NMT2: variants seen among roughly 807,000 people sequenced by gnomAD.
The protein encoded by NMT2 is glycylpeptide N-tetradecanoyltransferase 2.
In NMT2, 35 loss-of-function variants were observed where a neutral mutation model predicts 65.4. The observed-to-expected ratio is 0.54, with a 90% CI of 0.41 to 0.71. NMT2 has a LOEUF of 0.71. Ranked by LOEUF, NMT2 falls within the 30% of genes least tolerant of loss-of-function variation. The probability of loss-of-function intolerance (pLI) is 0.00; values close to 1 mark genes in which losing one functional copy is unlikely to be tolerated. For missense variants in NMT2, 489 were observed against 611.3 expected (o/e 0.80, Z 2.11); for synonymous variants, 226 against 231.8 (o/e 0.98, Z 0.23).
chr10:15,153,277 T>A (rs1832867921), intron 1 of NMT2, among the ~76,000 whole-genome samples: 2 of 152,142 alleles, frequency 1.3e-5, no homozygotes, highest in South Asian at 4.1e-4. Context: ...AAAAATACAA[T>A]AAAACTAAAA....
intron 1 of NMT2, among the ~76,000 whole-genome samples, chr10:15,153,106 C>G (rs372585200): frequency 2.0e-5 from 3 of 151,960 alleles, no homozygotes; most frequent in East Asian, 3.9e-4. Flanking sequence ...AGAGGAGTCT[C>G]TGAGTGGAAA....
intron 1 of NMT2, among the ~76,000 whole-genome samples, 169 bp from the exon 2 acceptor site, chr10:15,141,726 C>A (rs908937494): frequency 6.6e-6 from 1 of 152,136 alleles, no homozygotes; most frequent in African/African-American, 2.4e-5. Context: ...AAGACGGTAA[C>A]AGGCAATGCA....
intron 2 of NMT2, chr10:15,138,493 T>C: frequency 2.1e-6 from 1 of 471,098 alleles, no homozygotes; most frequent in South Asian, 1.5e-5. Flanking sequence ...CTACCCGACA[T>C]TAACTTCCCA....
At chr10:15,125,487 T>A (rs1375615980) in intron 8 of NMT2, among the ~76,000 whole-genome samples, 1 of 152,242 alleles carries the variant, frequency 6.6e-6, no homozygotes, top group Non-Finnish European at 1.5e-5. Flanking sequence ...TATTCTTCAC[T>A]CCATTGTAGG....
intron 1 of NMT2, among the ~76,000 whole-genome samples, chr10:15,152,100 A>G (rs1316468827): frequency 6.6e-6 from 1 of 152,232 alleles, no homozygotes; most frequent in Non-Finnish European, 1.5e-5. Flanking sequence ...CAAGGCTGTG[A>G]TATGAGCCTG....
At chr10:15,141,303 C>A in intron 2 of NMT2, 119 bp downstream of exon 2, 1 of 1,276,922 alleles carries the variant, frequency 7.8e-7, no homozygotes, top group Non-Finnish European at 1.1e-6. Context: ...TTACTAGTGG[C>A]ATTCAACACA....
intron 2 of NMT2, 44 bp from the exon 3 acceptor site, chr10:15,135,462 T>C (rs771174215): frequency 2.9e-5 from 47 of 1,602,050 alleles, no homozygotes; most frequent in Non-Finnish European, 4.0e-5. Flanking sequence ...GAGCGGCTGC[T>C]GATGTTAAAC....
chr10:15,112,428 C>T (rs1241450306), intron 10 of NMT2, among the ~76,000 whole-genome samples: 4 of 150,354 alleles, frequency 2.7e-5, no homozygotes, highest in Non-Finnish European at 5.9e-5. Context: ...GAGGTTTCAC[C>T]ATATTAACCA....
intron 1 of NMT2, among the ~76,000 whole-genome samples, chr10:15,146,031 T>C (rs1846951785): frequency 6.6e-6 from 1 of 152,156 alleles, no homozygotes. Flanking sequence ...GATTACCAAG[T>C]CATGGAAATT....
intron 1 of NMT2, among the ~76,000 whole-genome samples, chr10:15,149,532 TCATCACCAC>T (rs1832725450): frequency 3.1e-5 from 4 of 130,410 alleles, no homozygotes; most frequent in Non-Finnish European, 3.4e-5. Context: ...ATCATCACCA[TCATCACCAC>T]CATCACCACC....
intron 11 of NMT2, 79 bp downstream of exon 11, chr10:15,109,623 C>G: frequency 8.9e-7 from 1 of 1,121,662 alleles, no homozygotes. Context: ...ATAAAGCTGT[C>G]TTAAGTCTAA....
intron 1 of NMT2, among the ~76,000 whole-genome samples, chr10:15,167,666 C>T (rs1358635472): frequency 2.0e-5 from 3 of 152,246 alleles, no homozygotes; most frequent in African/African-American, 7.2e-5. Flanking sequence ...AGAGCATCAA[C>T]ACCGGCCTTC....
intron 2 of NMT2, chr10:15,138,278 G>A: frequency 7.6e-5 from 34 of 447,758 alleles, no homozygotes; most frequent in South Asian, 5.5e-4. Flanking sequence ...CCCAAAATGT[G>A]GTGATTACAG....
intron 1 of NMT2, 199 bp downstream of exon 1, chr10:15,168,304 G>A (rs1395132997): frequency 1.5e-4 from 49 of 324,954 alleles, no homozygotes; most frequent in Admixed American, 6.1e-4. Flanking sequence ...GCCCACCCCG[G>A]GCCTCGCCTC....
intron 1 of NMT2, among the ~76,000 whole-genome samples, chr10:15,153,911 C>T (rs1028901610): frequency 6.6e-6 from 1 of 152,192 alleles, no homozygotes; most frequent in African/African-American, 2.4e-5. Context: ...CCTCGCCCCC[C>T]AAAGTGCTGG....
Position 15,135,423 on chromosome 10 carries a change from G to T in NMT2, c.247-5C>A. On this transcript the variant is annotated splice_region_variant and splice_polypyrimidine_tract_variant and intron_variant, in intron 2 of 11. Coordinates refer to ENST00000378165, the MANE Select transcript of NMT2 (RefSeq NM_004808.3). ...CTGCATTGGAACACTGGGATTCTAC[G>T]ACAGCAAAGACAGACACAGAATATG... 2 of 1,613,502 alleles carry T rather than the reference G, an allele frequency of 1.2e-6. No individual in the cohort carries two copies. Among genetic ancestry groups the T allele is most frequent in the South Asian group, 2.2e-5 (2 of 91,056 alleles).
At chr10:15,164,843 C>T (rs574785741) in intron 1 of NMT2, among the ~76,000 whole-genome samples, 14 of 151,750 alleles carry the variant, frequency 9.2e-5, no homozygotes, top group Non-Finnish European at 1.9e-4. Context: ...ACCAGCCTGA[C>T]CAACATGGTA....
intron 10 of NMT2, among the ~76,000 whole-genome samples, chr10:15,110,251 C>T (rs45545431): frequency 0.031 from 4,722 of 151,740 alleles, 94 homozygotes; most frequent in Non-Finnish European, 0.047. Context: ...CCAGCCTGAG[C>T]GACAGAGTGA....
chr10:15,134,743 G>C (rs548390268), intron 3 of NMT2, among the ~76,000 whole-genome samples: 48 of 152,304 alleles, frequency 3.2e-4, no homozygotes, highest in African/African-American at 9.4e-4. Context: ...CACTTTGGGA[G>C]GCCAAGGCAG....
Sources: allele counts gnomAD v4.1 joint callset (sites outside exome capture counted in the v4.1 genomes callset), GRCh38; gene constraint gnomAD v4.1.1; transcripts MANE v1.5; gene names NCBI Gene and HGNC (gene_info 2026-07-23, HGNC 2026-07-21).